PPP4R2: variants seen among roughly 807,000 people sequenced by gnomAD.
The protein encoded by PPP4R2 is protein phosphatase 4 regulatory subunit 2, also known as serine/threonine-protein phosphatase 4 regulatory subunit 2.
In PPP4R2, 13 loss-of-function variants were observed where a neutral mutation model predicts 47.2. The observed-to-expected ratio is 0.28, with a 90% CI of 0.18 to 0.44. The LOEUF (loss-of-function observed/expected upper bound fraction) is 0.44. Among genes scored for constraint, PPP4R2 ranks in the 20% least tolerant of loss-of-function variants. PPP4R2 has a pLI of 1.00. For missense variants in PPP4R2, 421 were observed against 491.2 expected (o/e 0.86, Z 1.35); for synonymous variants, 151 against 163.3 (o/e 0.92, Z 0.57).
chr3:73,043,850 C>T (rs1702429591), intron 2 of PPP4R2, among the ~76,000 whole-genome samples: 2 of 152,176 alleles, frequency 1.3e-5, no homozygotes, highest in Non-Finnish European at 2.9e-5. Context: ...TCACTATCAT[C>T]CATCTGCAGA....
intron 2 of PPP4R2, among the ~76,000 whole-genome samples, chr3:73,024,952 G>T (rs1702034022): frequency 6.6e-6 from 1 of 152,124 alleles, no homozygotes; most frequent in African/African-American, 2.4e-5. Flanking sequence ...ATGGAGCCCA[G>T]GGACCTCAGC....
At position 73,004,271 on chromosome 3, in the gene PPP4R2, G is replaced by C. The variant is rs114905811; in HGVS notation, c.116+6113G>C. Among the ~76,000 whole-genome samples the C allele has an allele frequency of 4.7e-3, 706 of 150,926 alleles. 9 individuals are homozygous for C. The highest frequency in any genetic ancestry group is 0.016 in the African/African-American group (676 of 41,064). ...GCCCAGGCAGGTCTCAAACTCCTGGGCTCAGGCTATCCTCCCGCCTGTGCC... is the reference window on the plus strand; with the variant it reads ...GCCCAGGCAGGTCTCAAACTCCTGGCCTCAGGCTATCCTCCCGCCTGTGCC... On this transcript the variant is annotated intron_variant, in intron 2 of 8. Transcript: ENST00000356692.
chr3:73,015,569 T>C (rs1701812590), intron 2 of PPP4R2, among the ~76,000 whole-genome samples: 1 of 150,646 alleles, frequency 6.6e-6, no homozygotes, highest in Non-Finnish European at 1.5e-5. Flanking sequence ...TCTGCCTCCC[T>C]GGTTCGAGCG....
At chr3:73,044,953 A>T (rs1192265417) in intron 2 of PPP4R2, among the ~76,000 whole-genome samples, 2 of 152,052 alleles carry the variant, frequency 1.3e-5, no homozygotes, top group Admixed American at 6.6e-5. Flanking sequence ...TTAAATTTTG[A>T]TGTAATTCAA....
intron 2 of PPP4R2, among the ~76,000 whole-genome samples, chr3:73,002,513 A>G (rs1235984134): frequency 6.6e-6 from 1 of 151,982 alleles, no homozygotes; most frequent in Non-Finnish European, 1.5e-5. Flanking sequence ...CCAGAGTGCA[A>G]AGATTACAAA....
chr3:73,037,670 C>A (rs919248754), intron 2 of PPP4R2, among the ~76,000 whole-genome samples: 1 of 152,152 alleles, frequency 6.6e-6, no homozygotes, highest in Admixed American at 6.5e-5. Flanking sequence ...ATATTAAACA[C>A]CTGCTTCTTG....
At position 73,055,461 on chromosome 3, in the gene PPP4R2, AAT is replaced by A. The variant is rs1263070028; in HGVS notation, c.288-3563_288-3562del. On this transcript the variant is annotated intron_variant, in intron 3 of 8. Transcript: ENST00000356692. ...GTGTGTGTGTGTGTGTGTGTATTAA[AAT>A]ATATATATATATTTAGCAAAGGTGG... Among the ~76,000 whole-genome samples, 288 of 92,098 alleles carry A rather than the reference AAT, an allele frequency of 3.1e-3. 2 individuals are homozygous for A. The highest frequency in any genetic ancestry group is 0.012 in the African/African-American group (258 of 21,286). The allele number at this position is 92,098 out of a possible 152,430, so 60.4% of individuals were successfully genotyped here.
rs373081433 is a variant in PPP4R2, at chr3:72,996,912, C to A, written c.-126C>A. On this transcript the variant is annotated 5_prime_UTR_variant, in exon 1 of 9. Transcript: ENST00000356692. The stretch of plus-strand genomic sequence containing the variant: ...CCCCCGGCTCCCTTCGTTTCCCCCC[C>A]CCGGTCGCCTGCGTGCCGGAGTGTG... The A allele has an allele frequency of 2.3e-5, 14 of 596,104 alleles. No individual in the cohort carries two copies. The South Asian group carries it at 2.6e-4, about 11-fold the overall frequency. The allele number at this position is 596,104 out of a possible 1,614,324, so 36.9% of individuals were successfully genotyped here.
chr3:73,037,282 A>C (rs905929143), intron 2 of PPP4R2, among the ~76,000 whole-genome samples: 1 of 152,216 alleles, frequency 6.6e-6, no homozygotes, highest in Non-Finnish European at 1.5e-5. Flanking sequence ...TATTAGGTTT[A>C]GATTATTTAG....
chr3:73,031,176 T>C (rs1010628368), intron 2 of PPP4R2, among the ~76,000 whole-genome samples: 3 of 152,208 alleles, frequency 2.0e-5, no homozygotes, highest in African/African-American at 7.2e-5. Context: ...ACTATAAAAA[T>C]GTAGCTAAGG....
chr3:73,038,658 A>G (rs187767949), intron 2 of PPP4R2, among the ~76,000 whole-genome samples: 14 of 152,276 alleles, frequency 9.2e-5, no homozygotes, highest in East Asian at 5.8e-4. Context: ...GACATTTTCT[A>G]TAAGGGCTCA....
intron 2 of PPP4R2, among the ~76,000 whole-genome samples, chr3:73,006,190 ATTTTTTTTT>A (rs71624000): frequency 0.054 from 6,647 of 124,064 alleles, 172 homozygotes; most frequent in East Asian, 0.068. Context: ...ATATGCCACA[ATTTTTTTTT>A]TTTTTTTTTT....
At chr3:73,016,776 A>C (rs6775000) in intron 2 of PPP4R2, among the ~76,000 whole-genome samples, 2 of 85,102 alleles carry the variant, frequency 2.4e-5, no homozygotes, top group Non-Finnish European at 4.5e-5. Context: ...TCACTCTGTC[A>C]CCCATTCTGT....
In PPP4R2 at chr3:73,068,766, A is replaced by G. The variant is rs1703051736; in HGVS notation, c.*3044A>G. ...TAATGTAAATGTAATATACTAGTTT[A>G]CTTAAAGGTACTTGGGCAGAATCTA... On this transcript the variant is annotated 3_prime_UTR_variant, in exon 9 of 9. Transcript: ENST00000356692. The G allele has an allele frequency of 6.6e-6, 1 of 152,252 alleles. No individual in the cohort carries two copies. Among genetic ancestry groups the G allele is most frequent in the African/African-American group, 2.4e-5 (1 of 41,468 alleles). The allele number at this position is 152,252 out of a possible 1,614,324, so 9.4% of individuals were successfully genotyped here.
chr3:73,029,568 A>G (rs1261788558), intron 2 of PPP4R2, among the ~76,000 whole-genome samples: 2 of 125,962 alleles, frequency 1.6e-5, no homozygotes, highest in African/African-American at 6.3e-5. Flanking sequence ...CACATCTGAG[A>G]GGTGAAAGGC....
At chr3:73,051,289 A>G (rs1702607131) in intron 3 of PPP4R2, among the ~76,000 whole-genome samples, 1 of 152,224 alleles carries the variant, frequency 6.6e-6, no homozygotes. Context: ...TCAGTTTATC[A>G]GTGCTGCAAA....
chr3:73,037,018 T>C (rs567568416), intron 2 of PPP4R2, among the ~76,000 whole-genome samples: 1 of 152,344 alleles, frequency 6.6e-6, no homozygotes, highest in East Asian at 1.9e-4. Flanking sequence ...GCTTTAATCA[T>C]TTACATATGT....
chr3:73,005,313 T>C (rs567987631), intron 2 of PPP4R2, among the ~76,000 whole-genome samples: 3 of 149,184 alleles, frequency 2.0e-5, no homozygotes, highest in South Asian at 4.3e-4. Flanking sequence ...TTTGGAGTCA[T>C]TGTACTCAGG....
At position 73,053,649 on chromosome 3, in the gene PPP4R2, C is replaced by T. The variant is rs545465644; in HGVS notation, c.288-5388C>T. Among the ~76,000 whole-genome samples, 7 of 152,212 alleles carry T rather than the reference C, an allele frequency of 4.6e-5. No homozygotes were observed. The South Asian group carries it at 1.0e-3, about 23-fold the overall frequency. ...AATTAGCTGGGCGTGGTGGCTCACA[C>T]CTGTAATCTCAGCACTTTGGGAGGC... is the stretch of plus-strand genomic sequence containing the variant. On this transcript the variant is annotated intron_variant, in intron 3 of 8. Transcript: ENST00000356692.
Sources: allele counts gnomAD v4.1 joint callset (sites outside exome capture counted in the v4.1 genomes callset), GRCh38; gene constraint gnomAD v4.1.1; transcripts MANE v1.5; gene names NCBI Gene and HGNC (gene_info 2026-07-23, HGNC 2026-07-21).